Variants in IFT74 observed in about 807,000 individuals in gnomAD.
IFT74 encodes intraflagellar transport protein 74 homolog.
In IFT74, 92 loss-of-function variants were observed where a neutral mutation model predicts 96.7. The observed-to-expected ratio is 0.95, with a 90% CI of 0.80 to 1.13. IFT74 has a LOEUF of 1.13. Among genes scored for constraint, IFT74 ranks in the 50% most tolerant of loss-of-function variants. IFT74 has a pLI of 0.00. For synonymous variants in IFT74, 223 were observed against 213.2 expected (o/e 1.05, Z -0.40); for missense variants, 811 against 698.2 (o/e 1.16, Z -1.82).
At chr9:26,989,770 T>C (rs1215969532) in intron 7 of IFT74, among the ~76,000 whole-genome samples, 1 of 152,078 alleles carries the variant, frequency 6.6e-6, no homozygotes, top group Non-Finnish European at 1.5e-5. Flanking sequence ...TCCTGAATGG[T>C]TCAGGAATAA....
At chr9:27,029,867 A>T (rs992685937) in intron 13 of IFT74, among the ~76,000 whole-genome samples, 5 of 152,380 alleles carry the variant, frequency 3.3e-5, no homozygotes, top group African/African-American at 1.2e-4. Flanking sequence ...TCCAGACAGA[A>T]TTAATTCCCC....
chr9:27,017,214 T>TTTATTA (rs559691910), intron 11 of IFT74, among the ~76,000 whole-genome samples, 164 bp downstream of exon 11: 6 of 151,566 alleles, frequency 4.0e-5, no homozygotes, highest in South Asian at 2.1e-4. Context: ...TTCTTCCTCT[T>TTTATTA]TTATTATTAT....
Position 26,988,664 on chromosome 9 carries a change from T to C in IFT74, c.466-5T>C, listed in dbSNP as rs1395494741. ...GTGTTTGTTTGTTTGTATTTTTGTT[T>C]TTAGTTGGTAGATAAACTTAATACC... On this transcript the variant is annotated splice_polypyrimidine_tract_variant and splice_region_variant and intron_variant, in intron 6 of 19. Transcript: ENST00000380062. The C allele has an allele frequency of 3.2e-6, 5 of 1,544,778 alleles. No homozygotes were observed. The Admixed American group carries it at 9.6e-5, about 30-fold the overall frequency.
intron 8 of IFT74, among the ~76,000 whole-genome samples, chr9:27,000,519 G>C (rs1032530774): frequency 2.6e-5 from 4 of 152,112 alleles, no homozygotes; most frequent in Non-Finnish European, 4.4e-5. Context: ...TTGAGGCGTG[G>C]TAGATATACA....
intron 10 of IFT74, among the ~76,000 whole-genome samples, chr9:27,014,656 C>T (rs1741647600): frequency 6.6e-6 from 1 of 152,290 alleles, no homozygotes; most frequent in Admixed American, 6.5e-5. Context: ...GTTGCCCAGG[C>T]TAAAGTGCAG....
At chr9:26,948,993 C>T (rs994115117) in intron 1 of IFT74, among the ~76,000 whole-genome samples, 1 of 152,074 alleles carries the variant, frequency 6.6e-6, no homozygotes, top group Admixed American at 6.6e-5. Context: ...TAGTTCAACA[C>T]CAGTTTATCT....
At chr9:27,007,876 C>A (rs987343856) in intron 8 of IFT74, among the ~76,000 whole-genome samples, 2 of 152,136 alleles carry the variant, frequency 1.3e-5, no homozygotes, top group Non-Finnish European at 2.9e-5. Flanking sequence ...AAATGTAAAT[C>A]TTGAAAGTAT....
At chr9:27,057,244 A>T (rs1379278166) in intron 18 of IFT74, among the ~76,000 whole-genome samples, 5 of 152,138 alleles carry the variant, frequency 3.3e-5, no homozygotes, top group Non-Finnish European at 5.9e-5. Context: ...TTTACATAGG[A>T]TGCGTAGATA....
chr9:26,986,208 G>C (rs1021640639), intron 6 of IFT74, among the ~76,000 whole-genome samples: 2 of 152,104 alleles, frequency 1.3e-5, no homozygotes, highest in South Asian at 4.1e-4. Context: ...ATACCTACTT[G>C]ATAGTGTTAC....
At chr9:26,964,079 G>C (rs4339734) in intron 2 of IFT74, among the ~76,000 whole-genome samples, 12,092 of 143,138 alleles carry the variant, frequency 0.084, 1,361 homozygotes, top group East Asian at 0.64. Flanking sequence ...TTTTCTTCTA[G>C]GGTTTTTATG....
At position 27,018,695 on chromosome 9, in the gene IFT74, T is replaced by C. The variant is rs1396889664; in HGVS notation, c.974+8T>C. The C allele has an allele frequency of 6.7e-7, 1 of 1,502,908 alleles. No homozygotes were observed. The allele number at this position is 1,502,908 out of a possible 1,614,324, so 93.1% of individuals were successfully genotyped here. ...AGCCAGCATGGAAAGACAGTAAGTATCTTTATACTAGGACATTTTACATCC... is the reference window on the plus strand; with the variant it reads ...AGCCAGCATGGAAAGACAGTAAGTACCTTTATACTAGGACATTTTACATCC... On this transcript the variant is annotated splice_region_variant and intron_variant, in intron 12 of 19. Coordinates refer to ENST00000380062, the MANE Select transcript of IFT74 (RefSeq NM_025103.4).
intron 4 of IFT74, among the ~76,000 whole-genome samples, chr9:26,982,811 T>G (rs1376261365): frequency 1.3e-5 from 2 of 152,012 alleles, no homozygotes; most frequent in African/African-American, 4.8e-5. Flanking sequence ...AGGCTAGTCT[T>G]GAACTCCTGA....
chr9:27,044,392 G>T (rs371047493), intron 13 of IFT74, among the ~76,000 whole-genome samples: 8 of 152,134 alleles, frequency 5.3e-5, no homozygotes, highest in African/African-American at 1.9e-4. Flanking sequence ...AACTCTGTGA[G>T]TGAAGTTACT....
intron 4 of IFT74, among the ~76,000 whole-genome samples, chr9:26,982,608 A>G (rs1246313486): frequency 2.0e-5 from 3 of 151,976 alleles, no homozygotes; most frequent in African/African-American, 7.3e-5. Flanking sequence ...GGTGTGCACC[A>G]CCATGCCCAG....
intron 13 of IFT74, 85 bp from the exon 14 acceptor site, chr9:27,044,657 T>A: frequency 1.3e-6 from 1 of 760,590 alleles, no homozygotes; most frequent in Middle Eastern, 2.4e-4. Flanking sequence ...ACTAATGGCA[T>A]AGAGAGAACC....
chr9:26,997,702 G>T, intron 8 of IFT74: 1 of 1,557,900 alleles, frequency 6.4e-7, no homozygotes, highest in South Asian at 1.3e-5. Flanking sequence ...ATCACATTTT[G>T]GTTTTGCTTA....
chr9:27,028,028 T>C (rs1829950224), intron 12 of IFT74, among the ~76,000 whole-genome samples: 4 of 152,194 alleles, frequency 2.6e-5, no homozygotes, highest in Non-Finnish European at 5.9e-5. Context: ...TATGCACTTT[T>C]CCCAGCACCA....
chr9:26,966,445 G>T (rs10812504), intron 2 of IFT74, among the ~76,000 whole-genome samples: 4 of 151,680 alleles, frequency 2.6e-5, no homozygotes, highest in Non-Finnish European at 4.4e-5. Flanking sequence ...GCACCTTTTC[G>T]TATACCTGTT....
chr9:26,995,310 A>G (rs184325326), intron 8 of IFT74: 31 of 468,142 alleles, frequency 6.6e-5, no homozygotes, highest in East Asian at 6.5e-4. Flanking sequence ...ATTGTAGACT[A>G]TGTAACTGTC....
Sources: allele counts gnomAD v4.1 joint callset (sites outside exome capture counted in the v4.1 genomes callset), GRCh38; gene constraint gnomAD v4.1.1; transcripts MANE v1.5; gene names NCBI Gene and HGNC (gene_info 2026-07-23, HGNC 2026-07-21).